TRIM3: variants seen among roughly 807,000 people sequenced by gnomAD.
TRIM3 encodes tripartite motif containing 3, also known as tripartite motif-containing protein 3.
Under a neutral mutation model 66.6 loss-of-function variants are expected in TRIM3, and 13 were observed. The observed-to-expected ratio is 0.20, with a 90% CI of 0.13 to 0.31. The LOEUF is 0.31. Among genes scored for constraint, TRIM3 ranks in the 10% least tolerant of loss-of-function variants. The probability of loss-of-function intolerance (pLI) is 1.00; values close to 1 mark genes in which losing one functional copy is unlikely to be tolerated. For missense variants in TRIM3, 711 were observed against 1,020.4 expected, an observed-to-expected ratio of 0.70 and a Z score of 4.13; for synonymous variants, 406 against 411.7, an observed-to-expected ratio of 0.99 and a Z score of 0.17.
rs1283186171 is a variant in TRIM3 at position 6,456,705 on chromosome 11, C to T, written c.1021G>A (p.Ala341Thr). The T allele has an allele frequency of 6.2e-7, 1 of 1,607,248 alleles. No homozygotes were observed. ...TCTTTGGTAGTGACAGTGAGCGAGG[C>T]AGGCTGGCCCACTAGCGCCTGGCGC... Reference protein sequence around the residue: ...GLRQALVGQPASLTVTTKDKD... With the variant: ...GLRQALVGQPTSLTVTTKDKD... The change falls in exon 6 of 12, where the codon GCC becomes ACC. Residue 341 changes from alanine (A) to threonine (T), a missense_variant. By Grantham distance (58) the Ala-to-Thr change is moderately conservative (BLOSUM62 0). Transcript: ENST00000345851. This position sits in a 1 kb window ranked among gnomAD's most constrained non-coding sequence, Gnocchi z 6.4.
At position 6,456,505 on chromosome 11, in the gene TRIM3, C is replaced by A; in HGVS notation, c.1221G>T (p.Gln407His). The change falls in exon 6 of 12, where the codon CAG becomes CAT. Residue 407 changes from glutamine (Q) to histidine (H), a missense_variant. Physicochemically the swap from Gln to His is conservative, Grantham distance 24 (BLOSUM62 0). Around this residue, in one of 3 missense-constraint regions of TRIM3, gnomAD observed 399 missense variants for 458.1 expected, o/e 0.87. Coordinates refer to ENST00000345851, the MANE Select transcript of TRIM3 (RefSeq NM_033278.4). This position sits in a 1 kb window ranked among gnomAD's most constrained non-coding sequence, Gnocchi z 6.4. ...CGCGGAAGGGGCTGCCGCGCACTGG[C>A]TGTCCGTAGAGCAGCACCGAGAGGA... ...ELLLSVLLYG[Q>H]PVRGSPFRVR... 1 of 1,577,844 alleles carries A rather than the reference C, an allele frequency of 6.3e-7. No homozygotes were observed. The highest frequency in any genetic ancestry group is 8.6e-7 in the Non-Finnish European group (1 of 1,156,106).
Position 6,457,781 on chromosome 11 carries a change from G to C in TRIM3, c.430C>G (p.Arg144Gly). The C allele has an allele frequency of 1.2e-6, 2 of 1,614,204 alleles. No homozygotes were observed. Among genetic ancestry groups the C allele is most frequent in the Non-Finnish European group, 1.7e-6 (2 of 1,180,030 alleles). ...MCGECRAGEHREHGTVLLRDV... is the reference protein window; with the variant it reads ...MCGECRAGEHGEHGTVLLRDV... ...CTCAGCAGCACTGTGCCATGCTCACGATGCTCCCCGGCGCGGCACTCACCA... is the reference window on the plus strand; with the variant it reads ...CTCAGCAGCACTGTGCCATGCTCACCATGCTCCCCGGCGCGGCACTCACCA... The change falls in exon 4 of 12, where the codon CGT becomes GGT. Residue 144 changes from arginine (R) to glycine (G), a missense_variant. By Grantham distance (125) the Arg-to-Gly change is moderately radical. This residue lies in a region of TRIM3 where 149 missense variants were observed against 240.3 expected (regional missense o/e 0.62). Coordinates refer to ENST00000345851, the MANE Select transcript of TRIM3 (RefSeq NM_033278.4). The surrounding 1 kb of genome is among the most constrained non-coding windows in gnomAD (Gnocchi z 4.5).
chr11:6,460,191 G>C (rs938608406), intron 2 of TRIM3, among the ~76,000 whole-genome samples: 2 of 152,214 alleles, frequency 1.3e-5, no homozygotes, highest in South Asian at 2.1e-4. Flanking sequence ...CAGCTGACGA[G>C]TTGGGTAAGG....
Position 6,458,006 on chromosome 11 carries a change from T to G in TRIM3, c.363+59A>C. 6.4e-7 allele frequency: 1 copy of G among 1,551,142 alleles called. No homozygotes were observed. Among genetic ancestry groups the G allele is most frequent in the Non-Finnish European group, 8.7e-7 (1 of 1,145,494 alleles). The stretch of plus-strand genomic sequence containing the variant: ...CACCCAGCCACTCGGCACCCCCCAA[T>G]GCCTCTCCTCCTCCTCCCACCCCAA... On this transcript the variant is annotated intron_variant, in intron 3 of 11. Coordinates refer to ENST00000345851, the MANE Select transcript of TRIM3 (RefSeq NM_033278.4). The surrounding 1 kb of genome is among the most constrained non-coding windows in gnomAD (Gnocchi z 6.2).
At chr11:6,453,223 T>A (rs1049403617) in intron 7 of TRIM3, 1 of 152,212 alleles carries the variant, frequency 6.6e-6, no homozygotes, top group Non-Finnish European at 1.5e-5. Context: ...ACATCTCCAC[T>A]TGAATGCCGC....
At chr11:6,469,946 A>G (rs1850616425) in intron 1 of TRIM3, among the ~76,000 whole-genome samples, 1 of 152,176 alleles carries the variant, frequency 6.6e-6, no homozygotes, top group African/African-American at 2.4e-5. Flanking sequence ...AGGAGGCTGA[A>G]TCAGACACTG....
intron 1 of TRIM3, among the ~76,000 whole-genome samples, chr11:6,469,248 G>T (rs1049999176): frequency 1.3e-5 from 2 of 152,164 alleles, no homozygotes; most frequent in African/African-American, 4.8e-5. Flanking sequence ...TCCAAGCCTA[G>T]GGGCTCTCCC....
At position 6,458,170 on chromosome 11, in the gene TRIM3, C is replaced by A; in HGVS notation, c.258G>T (p.Met86Ile). 1 of 1,614,188 alleles carries A rather than the reference C, an allele frequency of 6.2e-7. No individual in the cohort carries two copies. Among genetic ancestry groups the A allele is most frequent in the Non-Finnish European group, 8.5e-7 (1 of 1,180,040 alleles). The change falls in exon 3 of 12, where the codon ATG becomes ATT. Residue 86 changes from methionine (M) to isoleucine (I), a missense_variant. Coordinates refer to ENST00000345851, the MANE Select transcript of TRIM3 (RefSeq NM_033278.4). The surrounding 1 kb of genome is among the most constrained non-coding windows in gnomAD (Gnocchi z 6.2). ...LQNNFFISSL[M>I]EAMQQAPDGA... is the part of the protein sequence containing the mutation. ...CATCAGGTGCCTGCTGCATTGCCTC[C>A]ATGAGGCTGCTGATGAAGAAGTTGT...
chr11:6,450,833 C>T lies in TRIM3; in HGVS notation c.1870+59G>A. ...GAGAGGGCCTTTACAGCTGGGGTAT[C>T]TAGGGGAGTTCTCTGGAACAGGGGT... On this transcript the variant is annotated intron_variant, in intron 9 of 11. Coordinates refer to ENST00000345851, the MANE Select transcript of TRIM3 (RefSeq NM_033278.4). This position sits in a 1 kb window ranked among gnomAD's most constrained non-coding sequence, Gnocchi z 4.8. 1 of 1,601,292 alleles carries T rather than the reference C, an allele frequency of 6.2e-7. No individual in the cohort carries two copies.
chr11:6,458,699 C>T lies in TRIM3; in HGVS notation c.132-403G>A, dbSNP rs888927168. The stretch of plus-strand genomic sequence containing the variant: ...AAAAAGATAAAGCACAGTGCCTACC[C>T]TTAAAATACTTCCCATCTACAGAGA... On this transcript the variant is annotated intron_variant, in intron 2 of 11. Coordinates refer to ENST00000345851, the MANE Select transcript of TRIM3 (RefSeq NM_033278.4). The surrounding 1 kb of genome is among the most constrained non-coding windows in gnomAD (Gnocchi z 6.2). Among the ~76,000 whole-genome samples the T allele has an allele frequency of 1.3e-5, 2 of 152,204 alleles. No individual in the cohort carries two copies. The highest frequency in any genetic ancestry group is 1.3e-4 in the Admixed American group (2 of 15,288).
chr11:6,466,160 C>T (rs1377567686), intron 1 of TRIM3, among the ~76,000 whole-genome samples: 1 of 152,160 alleles, frequency 6.6e-6, no homozygotes, highest in East Asian at 1.9e-4. Flanking sequence ...AATGGAGTGT[C>T]TCTCCTCTAA....
chr11:6,453,870 A>G (rs7936920), intron 7 of TRIM3, among the ~76,000 whole-genome samples: 103,691 of 152,026 alleles, frequency 0.68, 35,837 homozygotes, highest in African/African-American at 0.74. Context: ...GAGGAGGGGG[A>G]TCAGACCTCA....
chr11:6,467,900 G>C (rs1469200123), intron 1 of TRIM3, among the ~76,000 whole-genome samples: 1 of 152,222 alleles, frequency 6.6e-6, no homozygotes, highest in East Asian at 1.9e-4. Context: ...AGTGGAATCA[G>C]AGAAAACAGT....
At position 6,449,467 on chromosome 11, in the gene TRIM3, G is replaced by A; in HGVS notation, c.1942-21C>T. On this transcript the variant is annotated intron_variant, in intron 10 of 11. Coordinates refer to ENST00000345851, the MANE Select transcript of TRIM3 (RefSeq NM_033278.4). The surrounding 1 kb of genome is among the most constrained non-coding windows in gnomAD (Gnocchi z 5.3). Reference sequence around the variant, plus strand: ...TACACCTGGCGGGGGAAGGGGCTAGGGACTGGGGACCTGGCCTCAGGCAGA... The same window carrying A: ...TACACCTGGCGGGGGAAGGGGCTAGAGACTGGGGACCTGGCCTCAGGCAGA... 1 of 1,605,822 alleles carries A rather than the reference G, an allele frequency of 6.2e-7. No individual in the cohort carries two copies. The highest frequency in any genetic ancestry group is 1.7e-4 in the Middle Eastern group (1 of 6,008).
chr11:6,456,437 T>C lies in TRIM3; in HGVS notation c.1289A>G (p.Asp430Gly). The change falls in exon 6 of 12, where the codon GAT (aspartate) becomes GGT (glycine). Residue 430 changes from aspartate to glycine, a missense_variant. Physicochemically the swap from Asp to Gly is moderately conservative, Grantham distance 94. Around this residue, in one of 3 missense-constraint regions of TRIM3, gnomAD observed 399 missense variants for 458.1 expected, o/e 0.87. Coordinates refer to ENST00000345851, the MANE Select transcript of TRIM3 (RefSeq NM_033278.4). The surrounding 1 kb of genome is among the most constrained non-coding windows in gnomAD (Gnocchi z 6.4). ...AGGGGACTTGACACGGCGCTTCACA[T>C]CGTCCGGGGAAGGTGGCAGGTCCCC... ...RPGDLPPSPD[D>G]VKRRVKSPGG... The C allele has an allele frequency of 1.3e-6, 2 of 1,532,736 alleles. No homozygotes were observed. Among genetic ancestry groups the C allele is most frequent in the Non-Finnish European group, 1.8e-6 (2 of 1,138,010 alleles). The allele number at this position is 1,532,736 out of a possible 1,614,324, so 94.9% of individuals were successfully genotyped here. A position where few individuals can be genotyped will look rare whatever the true frequency, so the allele number is the denominator to read the frequency against.
Position 6,457,593 on chromosome 11 carries a change from G to A in TRIM3, c.515+103C>T. 3 of 1,551,764 alleles carry A rather than the reference G, an allele frequency of 1.9e-6. No homozygotes were observed. In the South Asian group the frequency reaches 3.6e-5, roughly 19 times the overall value. The stretch of plus-strand genomic sequence containing the variant: ...GATCTCCTTCCTGAGACCTCCCTGA[G>A]ACTTCCATCTCTGCCCTTCCCAGAC... On this transcript the variant is annotated intron_variant, in intron 4 of 11. Coordinates refer to ENST00000345851, the MANE Select transcript of TRIM3 (RefSeq NM_033278.4). The surrounding 1 kb of genome is among the most constrained non-coding windows in gnomAD (Gnocchi z 4.5).
chr11:6,457,130 C>T lies in TRIM3; in HGVS notation c.697-101G>A. ...CTGTGGCATAAAATACAAGAGGGTG[C>T]CTGTGGACAGAGGACACAGATGCCC... On this transcript the variant is annotated intron_variant, in intron 5 of 11. Coordinates refer to ENST00000345851, the MANE Select transcript of TRIM3 (RefSeq NM_033278.4). This position sits in a 1 kb window ranked among gnomAD's most constrained non-coding sequence, Gnocchi z 4.5. The T allele has an allele frequency of 5.2e-6, 8 of 1,525,292 alleles. No homozygotes were observed. Among genetic ancestry groups the T allele is most frequent in the Non-Finnish European group, 7.1e-6 (8 of 1,134,104 alleles). The allele number at this position is 1,525,292 out of a possible 1,614,324, so 94.5% of individuals were successfully genotyped here.
At chr11:6,461,088 T>C (rs916001453) in intron 2 of TRIM3, among the ~76,000 whole-genome samples, 1 of 152,032 alleles carries the variant, frequency 6.6e-6, no homozygotes, top group Admixed American at 6.5e-5. Flanking sequence ...GTATTTTTAG[T>C]AGAGATGGGG....
At chr11:6,463,205 A>C (rs1850317440) in intron 2 of TRIM3, among the ~76,000 whole-genome samples, 1 of 152,200 alleles carries the variant, frequency 6.6e-6, no homozygotes, top group Admixed American at 6.5e-5. Context: ...ACTCTGTCTC[A>C]AAAAAACAAA....
Sources: gnomAD v4.1 joint callset for allele counts (sites outside exome capture counted in the v4.1 genomes callset) on GRCh38, gnomAD v4.1.1 for gene constraint, gnomAD v4.1.1 regional missense constraint, Gnocchi (gnomAD v3.1) non-coding constraint, MANE v1.5 for transcripts, NCBI Gene and HGNC (gene_info 2026-07-23, HGNC 2026-07-21) for gene names.